The following DLGAP2 variants were observed in gnomAD, a reference collection of about 807,000 sequenced individuals.
The protein encoded by DLGAP2 is disks large-associated protein 2.
In DLGAP2, 26 loss-of-function variants were observed where a neutral mutation model predicts 100.3. The observed-to-expected ratio is 0.26, with a 90% CI of 0.19 to 0.36. The LOEUF is 0.36. Among genes scored for constraint, DLGAP2 ranks in the 10% least tolerant of loss-of-function variants. DLGAP2 has a pLI of 1.00. For synonymous variants in DLGAP2, 886 were observed against 630.1 expected (o/e 1.41, Z -6.08); for missense variants, 1,858 against 1,453.2 (o/e 1.28, Z -4.53).
At chr8:928,839 C>A (rs144443718) in intron 2 of DLGAP2, among the ~76,000 whole-genome samples, 19 of 152,096 alleles carry the variant, frequency 1.2e-4, no homozygotes, top group African/African-American at 4.3e-4. Flanking sequence ...GAGGAGGAAA[C>A]AGGAGCACTG....
chr8:1,284,081 A>G (rs1799874427), intron 3 of DLGAP2, among the ~76,000 whole-genome samples: 1 of 152,184 alleles, frequency 6.6e-6, no homozygotes, highest in Admixed American at 6.5e-5. Context: ...TTCTTTCAAA[A>G]TTACTATTGC....
In DLGAP2 at chr8:1,407,238, G is replaced by A. The variant is rs78852462; in HGVS notation, c.107-94128G>A. On this transcript the variant is annotated intron_variant, in intron 3 of 14. Coordinates refer to ENST00000637795, the MANE Select transcript of DLGAP2 (RefSeq NM_001346810.2). ...AGTGCTTACTGAGCGCCACCTCCTTGTCCTCCGGAGTCGTGTATTGAGTGC... is the reference window on the plus strand; with the variant it reads ...AGTGCTTACTGAGCGCCACCTCCTTATCCTCCGGAGTCGTGTATTGAGTGC... Among the ~76,000 whole-genome samples, 31 of 21,828 alleles carry A rather than the reference G, an allele frequency of 1.4e-3. 1 individual carries two copies. The highest frequency in any genetic ancestry group is 1.5e-3 in the Non-Finnish European group (20 of 13,232). The allele number at this position is 21,828 out of a possible 152,430, so 14.3% of individuals were successfully genotyped here.
intron 3 of DLGAP2, among the ~76,000 whole-genome samples, chr8:1,323,904 G>A (rs951449840): frequency 6.6e-6 from 1 of 152,104 alleles, no homozygotes; most frequent in Non-Finnish European, 1.5e-5. Context: ...CTAATTATTT[G>A]TTTATTATTT....
intron 2 of DLGAP2, among the ~76,000 whole-genome samples, chr8:1,222,055 C>T (rs1411409188): frequency 6.6e-6 from 1 of 152,188 alleles, no homozygotes; most frequent in Non-Finnish European, 1.5e-5. Flanking sequence ...TCTGTGCCAT[C>T]CAGATTCTGA....
At chr8:1,484,455 C>G (rs967504388) in intron 3 of DLGAP2, among the ~76,000 whole-genome samples, 26 of 152,268 alleles carry the variant, frequency 1.7e-4, no homozygotes, top group Non-Finnish European at 3.2e-4. Flanking sequence ...AGGCCTGCGA[C>G]TGGACGGCTC....
chr8:1,661,260 T>C (rs1221201331), intron 8 of DLGAP2, among the ~76,000 whole-genome samples: 7 of 152,216 alleles, frequency 4.6e-5, no homozygotes, highest in Non-Finnish European at 8.8e-5. Context: ...CTGCGCCTCA[T>C]GGTGGTGGGG....
At chr8:1,116,073 T>G (rs1274425948) in intron 2 of DLGAP2, among the ~76,000 whole-genome samples, 1 of 152,192 alleles carries the variant, frequency 6.6e-6, no homozygotes, top group Non-Finnish European at 1.5e-5. Flanking sequence ...CAGGGGTTCT[T>G]GGAAAGCTGG....
intron 2 of DLGAP2, among the ~76,000 whole-genome samples, chr8:1,108,107 G>T (rs960690786): frequency 6.6e-6 from 1 of 152,164 alleles, no homozygotes; most frequent in African/African-American, 2.4e-5. Context: ...TTCCAACCAT[G>T]TGAAAGGATG....
intron 2 of DLGAP2, among the ~76,000 whole-genome samples, chr8:998,932 A>T (rs1800863408): frequency 6.6e-6 from 1 of 152,162 alleles, no homozygotes; most frequent in Non-Finnish European, 1.5e-5. Flanking sequence ...GTGAAGCCAC[A>T]GCTGCTGTTA....
intron 3 of DLGAP2, among the ~76,000 whole-genome samples, chr8:1,371,534 T>C (rs2129708143): frequency 6.6e-6 from 1 of 152,314 alleles, no homozygotes; most frequent in Admixed American, 6.5e-5. Context: ...CTTCTGTAAT[T>C]GGAAATCTCT....
At chr8:998,139 G>T (rs1800839670) in intron 2 of DLGAP2, among the ~76,000 whole-genome samples, 1 of 151,980 alleles carries the variant, frequency 6.6e-6, no homozygotes, top group Non-Finnish European at 1.5e-5. Context: ...GCATACACAT[G>T]TGCATACACA....
intron 3 of DLGAP2, among the ~76,000 whole-genome samples, chr8:1,326,550 A>G (rs913197797): frequency 1.3e-5 from 2 of 151,154 alleles, no homozygotes; most frequent in Admixed American, 6.6e-5. Flanking sequence ...CTTTCAGGAC[A>G]TGGCACGCAC....
intron 3 of DLGAP2, among the ~76,000 whole-genome samples, chr8:1,341,111 C>T (rs1300549486): frequency 3.3e-5 from 5 of 152,022 alleles, no homozygotes; most frequent in African/African-American, 1.2e-4. Flanking sequence ...GGGAGAGGAT[C>T]AGGAAAGTAA....
At chr8:1,033,128 C>G (rs761577442) in intron 2 of DLGAP2, among the ~76,000 whole-genome samples, 4 of 152,096 alleles carry the variant, frequency 2.6e-5, no homozygotes, top group Non-Finnish European at 4.4e-5. Flanking sequence ...TCCCCCCATC[C>G]CTCTCTGTCT....
At chr8:928,711 A>T (rs895909168) in intron 2 of DLGAP2, among the ~76,000 whole-genome samples, 2 of 152,100 alleles carry the variant, frequency 1.3e-5, no homozygotes, top group African/African-American at 4.8e-5. Context: ...CAAGGTGTCC[A>T]CATGTGGAGG....
At chr8:987,334 C>T (rs930426904) in intron 2 of DLGAP2, among the ~76,000 whole-genome samples, 3 of 152,140 alleles carry the variant, frequency 2.0e-5, no homozygotes, top group Admixed American at 6.5e-5. Flanking sequence ...TTCTGCAGGT[C>T]TCAGTGGGGC....
At chr8:873,804 G>C (rs976022099) in intron 1 of DLGAP2, among the ~76,000 whole-genome samples, 2 of 152,152 alleles carry the variant, frequency 1.3e-5, no homozygotes, top group African/African-American at 4.8e-5. Context: ...CTTAGTTAAG[G>C]TTTGTTTTGA....
intron 2 of DLGAP2, among the ~76,000 whole-genome samples, chr8:908,618 A>G (rs912600678): frequency 1.3e-5 from 2 of 152,246 alleles, no homozygotes; most frequent in African/African-American, 4.8e-5. Flanking sequence ...AGGGGAAAAA[A>G]GAATCAGTCA....
intron 3 of DLGAP2, among the ~76,000 whole-genome samples, chr8:1,344,160 T>TCCGTGTA (rs1801497857): frequency 6.6e-6 from 1 of 150,864 alleles, no homozygotes; most frequent in African/African-American, 2.4e-5. Context: ...CTGTCGTGGG[T>TCCGTGTA]CTTTGTACTC....
Sources: allele counts gnomAD v4.1 joint callset (sites outside exome capture counted in the v4.1 genomes callset), GRCh38; gene constraint gnomAD v4.1.1; transcripts MANE v1.5; gene names NCBI Gene and HGNC (gene_info 2026-07-23, HGNC 2026-07-21).